Variants in NRF1 observed in about 807,000 individuals in gnomAD.
NRF1 encodes nuclear respiratory factor 1.
Under a neutral mutation model 58.5 loss-of-function variants are expected in NRF1, and 5 were observed. The ratio of observed to expected loss-of-function variants is 0.09; its 90% confidence interval spans 0.04 to 0.18. The LOEUF is 0.18. Ranked by LOEUF, NRF1 falls within the 10% of genes least tolerant of loss-of-function variation. The probability of loss-of-function intolerance (pLI) is 1.00; values close to 1 mark genes in which losing one functional copy is unlikely to be tolerated. For synonymous variants in NRF1, 224 were observed against 246.7 expected, an observed-to-expected ratio of 0.91 and a Z score of 0.86; for missense variants, 288 against 657.7, an observed-to-expected ratio of 0.44 and a Z score of 6.15.
intron 5 of NRF1, among the ~76,000 whole-genome samples, chr7:129,701,014 G>A (rs925720979): frequency 6.6e-6 from 1 of 152,114 alleles, no homozygotes; most frequent in Non-Finnish European, 1.5e-5. Flanking sequence ...TAAAGAATAA[G>A]GGTATATTCA....
Position 129,725,968 on chromosome 7 carries a change from T to G in NRF1, c.1224-1273T>G, listed in dbSNP as rs1001207060. Among the ~76,000 whole-genome samples the G allele has an allele frequency of 7.2e-5, 11 of 152,244 alleles. No individual in the cohort carries two copies. In the East Asian group the frequency reaches 1.9e-3, roughly 27 times the overall value. ...GCTGACTGTCTTAGGTAAAGGAGAC[T>G]GTATTGAGTTTGGTACATGTTGCTT... On this transcript the variant is annotated intron_variant, in intron 9 of 10. Transcript: ENST00000393232.
At chr7:129,630,462 A>G (rs1350356936) in intron 1 of NRF1, among the ~76,000 whole-genome samples, 1 of 152,134 alleles carries the variant, frequency 6.6e-6, no homozygotes, top group Non-Finnish European at 1.5e-5. Flanking sequence ...ATTCAATTTA[A>G]ATTTCAATAG....
At chr7:129,629,067 A>C (rs1279226775) in intron 1 of NRF1, among the ~76,000 whole-genome samples, 2 of 152,204 alleles carry the variant, frequency 1.3e-5, no homozygotes, top group East Asian at 3.8e-4. Flanking sequence ...ATCACTTCAA[A>C]TATCAAATTT....
intron 1 of NRF1, among the ~76,000 whole-genome samples, chr7:129,649,533 A>T (rs1027873680): frequency 6.6e-6 from 1 of 152,196 alleles, no homozygotes; most frequent in Non-Finnish European, 1.5e-5. Context: ...GGATTAGACT[A>T]AATTTAACTC....
At chr7:129,703,958 T>C (rs1310747317) in intron 5 of NRF1, among the ~76,000 whole-genome samples, 1 of 152,192 alleles carries the variant, frequency 6.6e-6, no homozygotes, top group African/African-American at 2.4e-5. Flanking sequence ...ATAAATCATC[T>C]TTGAAAAGTT....
At chr7:129,657,611 T>TC in intron 2 of NRF1, 37 bp downstream of exon 2, 1 of 1,359,608 alleles carries the variant, frequency 7.4e-7, no homozygotes. Context: ...TCTTTAATTT[T>TC]TTTTTTTTTT....
intron 2 of NRF1, among the ~76,000 whole-genome samples, chr7:129,667,833 A>G (rs1044552957): frequency 4.6e-5 from 7 of 151,684 alleles, no homozygotes; most frequent in African/African-American, 1.5e-4. Context: ...CAGTGATGCA[A>G]TCATAGTTCT....
At chr7:129,639,940 G>A (rs1236858767) in intron 1 of NRF1, among the ~76,000 whole-genome samples, 2 of 152,190 alleles carry the variant, frequency 1.3e-5, no homozygotes, top group African/African-American at 4.8e-5. Flanking sequence ...TATAGGTGAA[G>A]AAGAACATAA....
intron 5 of NRF1, among the ~76,000 whole-genome samples, chr7:129,702,074 G>T (rs1372803159): frequency 6.6e-6 from 1 of 152,208 alleles, no homozygotes. Flanking sequence ...AAGGAAGGCT[G>T]TTCATCAAGC....
At chr7:129,669,615 G>T (rs562600741) in intron 2 of NRF1, among the ~76,000 whole-genome samples, 2 of 152,188 alleles carry the variant, frequency 1.3e-5, no homozygotes, top group Non-Finnish European at 2.9e-5. Context: ...CAAGGGACTC[G>T]AATAAACATC....
At chr7:129,612,598 G>T (rs981395230) in intron 1 of NRF1, among the ~76,000 whole-genome samples, 4 of 152,218 alleles carry the variant, frequency 2.6e-5, no homozygotes, top group African/African-American at 9.6e-5. Flanking sequence ...CGGAGGGGCC[G>T]CGGTTCTTCC....
chr7:129,710,034 A>G (rs1158584053), intron 6 of NRF1, among the ~76,000 whole-genome samples: 1 of 151,964 alleles, frequency 6.6e-6, no homozygotes, highest in African/African-American at 2.4e-5. Context: ...CTGGCCACGT[A>G]TTTATTTTTC....
intron 1 of NRF1, among the ~76,000 whole-genome samples, chr7:129,635,930 TGAGA>T (rs1479607628): frequency 6.6e-6 from 1 of 152,198 alleles, no homozygotes; most frequent in Non-Finnish European, 1.5e-5. Flanking sequence ...TAATATTTTA[TGAGA>T]GAGATTCCTA....
rs756648425 is a variant in NRF1, at chr7:129,677,716, C to T, written c.423C>T (p.Asn141=). The part of the protein sequence containing the change: ...IVLCISPSKP[N]PVFKVFGAAP... Reference sequence around the variant, plus strand: ...TCTGTATCTCACCCTCCAAACCTAACCCTGTCTTTAAAGTGTTTGGTGCAG... The same window carrying T: ...TCTGTATCTCACCCTCCAAACCTAATCCTGTCTTTAAAGTGTTTGGTGCAG... The change falls in exon 4 of 11, where the codon AAC becomes AAT. Residue 141 remains asparagine (N), a synonymous_variant. Transcript: ENST00000393232. 4 of 1,614,180 alleles carry T rather than the reference C, an allele frequency of 2.5e-6. No individual in the cohort carries two copies. In the Admixed American group the frequency reaches 5.0e-5, roughly 20 times the overall value.
intron 10 of NRF1, among the ~76,000 whole-genome samples, chr7:129,750,421 G>C (rs766490091): frequency 1.3e-5 from 2 of 152,220 alleles, no homozygotes; most frequent in Non-Finnish European, 2.9e-5. Context: ...AAGGCTGTTA[G>C]GTCAGAGACA....
chr7:129,704,389 G>A (rs1179535895), intron 5 of NRF1, among the ~76,000 whole-genome samples: 1 of 152,058 alleles, frequency 6.6e-6, no homozygotes, highest in East Asian at 1.9e-4. Flanking sequence ...TTCAGTATTA[G>A]TAAACCATTT....
In NRF1 at chr7:129,723,443, C is replaced by CA. The variant is rs1279913396; in HGVS notation, c.1224-3782dup. Among the ~76,000 whole-genome samples, 482 of 122,954 alleles carry CA rather than the reference C, an allele frequency of 3.9e-3. 1 individual carries two copies. The highest frequency in any genetic ancestry group is 4.6e-3 in the African/African-American group (148 of 32,524). 80.7% of individuals were successfully genotyped at this position (122,954 alleles called of 152,430 possible). A position where few individuals can be genotyped will look rare whatever the true frequency, so the allele number is the denominator to read the frequency against. ...GGGCAACAAGAGCGAAACTCTATCT[C>CA]AAAAAAAAAAAAAAAATTTTTTTCC... is the stretch of plus-strand genomic sequence containing the variant. On this transcript the variant is annotated intron_variant, in intron 9 of 10. Coordinates refer to ENST00000393232, the MANE Select transcript of NRF1 (RefSeq NM_005011.5).
chr7:129,712,856 T>C (rs943820272), intron 8 of NRF1, among the ~76,000 whole-genome samples: 4 of 152,144 alleles, frequency 2.6e-5, no homozygotes, highest in African/African-American at 9.7e-5. Flanking sequence ...GCAAAGAATT[T>C]GTCAGTCCCA....
intron 5 of NRF1, among the ~76,000 whole-genome samples, chr7:129,702,963 AGGATAATGCATTGTT>A (rs986767541): frequency 3.3e-5 from 5 of 152,220 alleles, no homozygotes; most frequent in African/African-American, 1.2e-4. Context: ...AGGATGTGTA[AGGATAATGCATTGTT>A]GGATAGCAAA....
Sources: allele counts gnomAD v4.1 joint callset (sites outside exome capture counted in the v4.1 genomes callset), GRCh38; gene constraint gnomAD v4.1.1; transcripts MANE v1.5; gene names NCBI Gene and HGNC (gene_info 2026-07-23, HGNC 2026-07-21).